Variants in NDRG4 observed in about 807,000 individuals in gnomAD.
The protein encoded by NDRG4 is protein NDRG4.
NDRG4 carries 38 observed loss-of-function variants against 55.8 expected under a neutral mutation model. That is an observed-to-expected ratio of 0.68 (90% CI 0.53 to 0.89). The LOEUF is 0.89. Among genes scored for constraint, NDRG4 ranks in the 40% least tolerant of loss-of-function variants. NDRG4 has a pLI of 0.00. For missense variants in NDRG4, 455 were observed against 468.6 expected (o/e 0.97, Z 0.27); for synonymous variants, 190 against 182.7 (o/e 1.04, Z -0.32).
chr16:58,465,162 A>G, intron 1 of NDRG4: 1 of 1,250,788 alleles, frequency 8.0e-7, no homozygotes, highest in South Asian at 1.2e-5. Flanking sequence ...GAGGAAAGGA[A>G]AGCAACCCGG....
chr16:58,506,587 C>T lies in NDRG4; in HGVS notation c.489C>T (p.Asp163=). ...CCGGCCTAACTAGCACTTTACCCGA[C>T]ACGGTGCTCTCCCACCTCTTCAGCC... ...KLSGLTSTLP[D]TVLSHLFSQE... Residue 163 remains aspartate (D), a synonymous_variant, in exon 7 of 15, where the codon GAC becomes GAT. Coordinates refer to ENST00000570248, the MANE Select transcript of NDRG4 (RefSeq NM_001242835.2). 6.4e-7 allele frequency: 1 copy of T among 1,573,924 alleles called. No homozygotes were observed. Among genetic ancestry groups the T allele is most frequent in the Non-Finnish European group, 8.6e-7 (1 of 1,162,666 alleles).
rs1024523460 is a variant in NDRG4, at chr16:58,512,146, C to G, written c.*570C>G. The G allele has an allele frequency of 6.6e-6, 3 of 455,548 alleles. No individual in the cohort carries two copies. Among genetic ancestry groups the G allele is most frequent in the African/African-American group, 4.0e-5 (2 of 50,058 alleles). 28.2% of individuals were successfully genotyped at this position (455,548 alleles called of 1,614,324 possible). A position where few individuals can be genotyped will look rare whatever the true frequency, so the allele number is the denominator to read the frequency against. ...GGGCCCAGCTGGTGCTGTAGGGCCA[C>G]GCAGGCAGGGGCGTCAAGGGGTTTC... On this transcript the variant is annotated 3_prime_UTR_variant, in exon 15 of 15. Coordinates refer to ENST00000570248, the MANE Select transcript of NDRG4 (RefSeq NM_001242835.2).
Position 58,482,938 on chromosome 16 carries a change from C to T in NDRG4, c.-23-4818C>T, listed in dbSNP as rs117631792. On this transcript the variant is annotated intron_variant, in intron 1 of 15. Coordinates refer to the NDRG4 transcript ENST00000258187. ...GTTGGATTACAGGCACCCGCCATCACGTGAGCTCAGCTAATTTTTGAATTT... is the reference window on the plus strand; with the variant it reads ...GTTGGATTACAGGCACCCGCCATCATGTGAGCTCAGCTAATTTTTGAATTT... Among the ~76,000 whole-genome samples the T allele has an allele frequency of 6.0e-4, 92 of 152,188 alleles. No homozygotes were observed. The East Asian group carries it at 0.016, about 27-fold the overall frequency.
At chr16:58,506,286 G>A in intron 5 of NDRG4, 101 bp from the exon 6 acceptor site, 2 of 1,157,102 alleles carry the variant, frequency 1.7e-6, no homozygotes, top group South Asian at 2.4e-5. Flanking sequence ...CCCGGCTGTA[G>A]CCGGGTGGCT....
chr16:58,477,748 T>C (rs2033867187), intron 1 of NDRG4, among the ~76,000 whole-genome samples: 1 of 146,836 alleles, frequency 6.8e-6, no homozygotes, highest in Non-Finnish European at 1.5e-5. Context: ...CAAGAATCAA[T>C]AGTTGTTAAA....
intron 5 of NDRG4, chr16:58,506,131 A>AGCGT (rs1195455914): frequency 2.1e-6 from 1 of 486,900 alleles, no homozygotes. Context: ...CTGTTGAAAG[A>AGCGT]GCGTGTGTGT....
In NDRG4 at chr16:58,511,451, C is replaced by T. The variant is rs375451114; in HGVS notation, c.934C>T (p.Arg312Cys). The stretch of plus-strand genomic sequence containing the variant: ...CTCAGCCAGCATGACCCGCCTGGCA[C>T]GCTCCCGCACTGCATCCCTCACCAG... Reference protein sequence around the residue: ...VPSASMTRLARSRTASLTSAS... With the variant: ...VPSASMTRLACSRTASLTSAS... The change falls in exon 15 of 15, where the codon CGC (arginine) becomes TGC (cysteine). Residue 312 changes from arginine (R) to cysteine (C), a missense_variant. Physicochemically the swap from Arg to Cys is radical, Grantham distance 180. Coordinates refer to ENST00000570248, the MANE Select transcript of NDRG4 (RefSeq NM_001242835.2). 2.0e-5 allele frequency: 33 copies of T among 1,609,996 alleles called. No homozygotes were observed. Among genetic ancestry groups the T allele is most frequent in the African/African-American group, 8.0e-5 (6 of 74,854 alleles).
chr16:58,464,769 C>G lies in NDRG4; in HGVS notation c.-24+972C>G. Reference sequence around the variant, plus strand: ...CTGAAAGCTAGCTCAGGGCTCCTGCCCTCCAATCAGTGTCGCTTGTCCCCT... The same window carrying G: ...CTGAAAGCTAGCTCAGGGCTCCTGCGCTCCAATCAGTGTCGCTTGTCCCCT... On this transcript the variant is annotated intron_variant, in intron 1 of 15. Coordinates refer to the NDRG4 transcript ENST00000258187. This position sits in a 1 kb window ranked among gnomAD's most constrained non-coding sequence, Gnocchi z 4.8. 1 of 1,279,672 alleles carries G rather than the reference C, an allele frequency of 7.8e-7. No homozygotes were observed. Among genetic ancestry groups the G allele is most frequent in the Non-Finnish European group, 9.8e-7 (1 of 1,015,238 alleles). The allele number at this position is 1,279,672 out of a possible 1,614,324, so 79.3% of individuals were successfully genotyped here. A position where few individuals can be genotyped will look rare whatever the true frequency, so the allele number is the denominator to read the frequency against.
upstream of NDRG4, chr16:58,497,007 A>T (rs1473269445): frequency 6.6e-6 from 1 of 152,218 alleles, no homozygotes; most frequent in African/African-American, 2.4e-5. Flanking sequence ...GAAGCCTTCC[A>T]TACTTAAAAA....
intron 1 of NDRG4, among the ~76,000 whole-genome samples, chr16:58,477,251 C>G (rs745788353): frequency 1.3e-5 from 2 of 151,892 alleles, no homozygotes; most frequent in Non-Finnish European, 2.9e-5. Flanking sequence ...CAATGACACC[C>G]CAGTAGCAAT....
chr16:58,505,666 T>C (rs2037839801), intron 5 of NDRG4, among the ~76,000 whole-genome samples: 1 of 151,256 alleles, frequency 6.6e-6, no homozygotes. Context: ...AAACAGACTT[T>C]GAAAAGGTTG....
chr16:58,506,319 T>C, intron 5 of NDRG4, 68 bp from the exon 6 acceptor site: 1 of 1,482,868 alleles, frequency 6.7e-7, no homozygotes, highest in Non-Finnish European at 9.4e-7. Context: ...CTTGAAGACT[T>C]TACAGAGTGT....
At chr16:58,474,910 C>T (rs569082483) in intron 1 of NDRG4, among the ~76,000 whole-genome samples, 1 of 152,320 alleles carries the variant, frequency 6.6e-6, no homozygotes, top group Non-Finnish European at 1.5e-5. Flanking sequence ...GCAGACATTG[C>T]ATTTGAGGCA....
intron 2 of NDRG4, among the ~76,000 whole-genome samples, chr16:58,491,671 G>T (rs1479196803): frequency 6.6e-6 from 1 of 151,984 alleles, no homozygotes; most frequent in East Asian, 1.9e-4. Context: ...TGTTGGTCAG[G>T]CTGGCCTCAA....
chr16:58,473,371 C>T (rs1436535236), intron 1 of NDRG4, among the ~76,000 whole-genome samples: 1 of 152,188 alleles, frequency 6.6e-6, no homozygotes, highest in Admixed American at 6.5e-5. Flanking sequence ...ACTATGTTGC[C>T]CAGGCTGGTC....
chr16:58,476,856 G>A (rs2033716378), intron 1 of NDRG4, among the ~76,000 whole-genome samples: 1 of 151,954 alleles, frequency 6.6e-6, no homozygotes. Flanking sequence ...TTTAAAATCT[G>A]GATCTAATAT....
chr16:58,480,864 T>G (rs1433634852), intron 1 of NDRG4, among the ~76,000 whole-genome samples: 3 of 152,010 alleles, frequency 2.0e-5, no homozygotes, highest in African/African-American at 7.2e-5. Context: ...AAAAATTAGC[T>G]GGGCGTGGTG....
At position 58,464,397 on chromosome 16, in the gene NDRG4, C is replaced by T. The variant is rs1346648620; in HGVS notation, c.-24+600C>T. ...TCGGCCGAGCGCGCTGCCCCGACGC[C>T]GCCACCCAGAGCCGGGCCGCGCCGG... On this transcript the variant is annotated intron_variant, in intron 1 of 15. Coordinates refer to the NDRG4 transcript ENST00000258187. The surrounding 1 kb of genome is among the most constrained non-coding windows in gnomAD (Gnocchi z 4.8). The T allele has an allele frequency of 2.8e-5, 39 of 1,371,524 alleles. No homozygotes were observed. Among genetic ancestry groups the T allele is most frequent in the East Asian group, 1.9e-4 (6 of 32,424 alleles). 85.0% of individuals were successfully genotyped at this position (1,371,524 alleles called of 1,614,324 possible).
chr16:58,465,486 G>C (rs2031423473), intron 1 of NDRG4, among the ~76,000 whole-genome samples: 1 of 151,158 alleles, frequency 6.6e-6, no homozygotes, highest in Non-Finnish European at 1.5e-5. Context: ...GCTCTGGGGT[G>C]TGAGAGAGGC....
Sources: gnomAD v4.1 joint callset for allele counts (sites outside exome capture counted in the v4.1 genomes callset) on GRCh38, gnomAD v4.1.1 for gene constraint, Gnocchi (gnomAD v3.1) non-coding constraint, MANE v1.5 for transcripts, NCBI Gene and HGNC (gene_info 2026-07-23, HGNC 2026-07-21) for gene names.